The following KIAA1217 variants were observed in gnomAD, a reference collection of about 807,000 sequenced individuals.
KIAA1217 encodes the protein KIAA1217.
A neutral mutation model predicts 163.9 loss-of-function variants in KIAA1217; 88 were observed. The observed-to-expected ratio is 0.54, with a 90% CI of 0.45 to 0.64. The LOEUF (loss-of-function observed/expected upper bound fraction) is 0.64, where lower values mean the gene tolerates loss of function less well. Among genes scored for constraint, KIAA1217 ranks in the 30% least tolerant of loss-of-function variants. KIAA1217 has a pLI of 0.00. For synonymous variants in KIAA1217, 903 were observed against 923.1 expected (o/e 0.98, Z 0.39); for missense variants, 2,372 against 2,475.0 (o/e 0.96, Z 0.88).
intron 1 of KIAA1217, among the ~76,000 whole-genome samples, chr10:23,976,561 A>G (rs1287476939): frequency 1.3e-5 from 2 of 152,224 alleles, no homozygotes; most frequent in African/African-American, 4.8e-5. Context: ...TCAATACTCA[A>G]CCAGTACAGA....
intron 2 of KIAA1217, among the ~76,000 whole-genome samples, chr10:24,222,960 T>C (rs1029974311): frequency 2.0e-5 from 3 of 152,222 alleles, no homozygotes; most frequent in Non-Finnish European, 4.4e-5. Context: ...TTAGACCATA[T>C]AGGATAATTT....
At chr10:24,255,488 T>A in intron 2 of KIAA1217, 1 of 455,508 alleles carries the variant, frequency 2.2e-6, no homozygotes, top group Non-Finnish European at 4.4e-6. Context: ...CCATGCCACA[T>A]CTGGACATGA....
chr10:24,181,596 C>A (rs897483607), intron 2 of KIAA1217, among the ~76,000 whole-genome samples: 2 of 152,130 alleles, frequency 1.3e-5, no homozygotes, highest in Admixed American at 6.5e-5. Flanking sequence ...TCAATTTTGT[C>A]ATTCAGATTA....
At chr10:24,065,732 G>C (rs1034009833) in intron 2 of KIAA1217, among the ~76,000 whole-genome samples, 2 of 152,160 alleles carry the variant, frequency 1.3e-5, no homozygotes, top group African/African-American at 4.8e-5. Flanking sequence ...GTCTCATGTT[G>C]ACAGTAGGGT....
intron 1 of KIAA1217, among the ~76,000 whole-genome samples, chr10:23,860,950 G>A (rs981930274): frequency 6.7e-6 from 1 of 148,690 alleles, no homozygotes; most frequent in Non-Finnish European, 1.5e-5. Context: ...ATCTTGCTCT[G>A]TTACCCAGGC....
chr10:24,467,622 A>G (rs2063082182), intron 5 of KIAA1217, among the ~76,000 whole-genome samples: 1 of 152,226 alleles, frequency 6.6e-6, no homozygotes, highest in African/African-American at 2.4e-5. Context: ...TTTAAAGCTT[A>G]CATTATGACA....
At chr10:24,434,448 C>T (rs536156723) in intron 4 of KIAA1217, among the ~76,000 whole-genome samples, 3 of 152,240 alleles carry the variant, frequency 2.0e-5, no homozygotes, top group Admixed American at 6.5e-5. Context: ...AATGATCCTC[C>T]CACCTCTGCC....
chr10:24,491,455 A>G (rs1007681955), intron 6 of KIAA1217, among the ~76,000 whole-genome samples: 12 of 151,606 alleles, frequency 7.9e-5, no homozygotes, highest in African/African-American at 2.4e-4. Flanking sequence ...ACACCCAGCT[A>G]ATTTTTGTAT....
chr10:24,413,692 CT>C (rs955170181), intron 3 of KIAA1217, among the ~76,000 whole-genome samples: 6 of 152,198 alleles, frequency 3.9e-5, no homozygotes, highest in Non-Finnish European at 8.8e-5. Context: ...ATCCAGCATA[CT>C]TTTGTCTCAA....
chr10:24,325,196 A>G (rs888162729), intron 2 of KIAA1217, among the ~76,000 whole-genome samples: 1 of 152,152 alleles, frequency 6.6e-6, no homozygotes, highest in African/African-American at 2.4e-5. Flanking sequence ...AAAGTGTGGG[A>G]CAGTGATTTG....
chr10:24,030,465 CTG>C (rs1023246272), intron 2 of KIAA1217, among the ~76,000 whole-genome samples: 45 of 152,268 alleles, frequency 3.0e-4, no homozygotes, highest in African/African-American at 1.0e-3. Flanking sequence ...TCCACCATGA[CTG>C]TAAGTTTCCT....
chr10:24,330,298 C>G (rs2045499887), intron 2 of KIAA1217, among the ~76,000 whole-genome samples: 2 of 127,312 alleles, frequency 1.6e-5, no homozygotes, highest in Admixed American at 8.0e-5. Flanking sequence ...GAAACTCCAT[C>G]TCAAAAAAAA....
intron 2 of KIAA1217, among the ~76,000 whole-genome samples, chr10:24,190,407 G>A (rs996683046): frequency 1.3e-5 from 2 of 152,072 alleles, no homozygotes; most frequent in African/African-American, 2.4e-5. Context: ...TCCTTACTTC[G>A]AAAGCCTGAA....
At chr10:23,819,723 G>A (rs1837530898) in intron 1 of KIAA1217, among the ~76,000 whole-genome samples, 1 of 152,090 alleles carries the variant, frequency 6.6e-6, no homozygotes, top group Admixed American at 6.6e-5. Context: ...AATTTGTCTT[G>A]GTGATTTGAA....
At position 24,526,877 on chromosome 10, in the gene KIAA1217, A is replaced by G. The variant is rs572786476; in HGVS notation, c.2899-1059A>G. 2.6e-5 allele frequency among the ~76,000 whole-genome samples: 4 copies of G among 152,288 alleles called. No individual in the cohort carries two copies. The East Asian group carries it at 7.7e-4, about 29-fold the overall frequency. On this transcript the variant is annotated intron_variant, in intron 13 of 20. Transcript: ENST00000376454. ...GGTTAGAATGGTGAAGGTGGTGGCTATTATTTATATGTAATGAAACTTGGG... is the reference window on the plus strand; with the variant it reads ...GGTTAGAATGGTGAAGGTGGTGGCTGTTATTTATATGTAATGAAACTTGGG...
At chr10:24,053,173 A>C (rs979884301) in intron 2 of KIAA1217, among the ~76,000 whole-genome samples, 1 of 152,150 alleles carries the variant, frequency 6.6e-6, no homozygotes, top group Non-Finnish European at 1.5e-5. Flanking sequence ...ATACAATTCC[A>C]TTACTAAAAT....
chr10:23,880,939 T>A (rs1372275634), intron 1 of KIAA1217, among the ~76,000 whole-genome samples: 1 of 151,822 alleles, frequency 6.6e-6, no homozygotes, highest in East Asian at 2.0e-4. Context: ...TTAACCAGGG[T>A]GGAGTTCTCA....
At chr10:24,342,010 A>C (rs1564505288) in intron 2 of KIAA1217, among the ~76,000 whole-genome samples, 1 of 152,264 alleles carries the variant, frequency 6.6e-6, no homozygotes, top group Non-Finnish European at 1.5e-5. Context: ...GAAGTCTACC[A>C]GACTGTCCTT....
intron 1 of KIAA1217, among the ~76,000 whole-genome samples, chr10:23,900,244 G>A (rs911324300): frequency 1.3e-5 from 2 of 151,944 alleles, no homozygotes; most frequent in Non-Finnish European, 2.9e-5. Flanking sequence ...GACCTAAGGT[G>A]ACCCGCCCAC....
Sources: gnomAD v4.1 joint callset for allele counts (sites outside exome capture counted in the v4.1 genomes callset) on GRCh38, gnomAD v4.1.1 for gene constraint, MANE v1.5 for transcripts, NCBI Gene and HGNC (gene_info 2026-07-23, HGNC 2026-07-21) for gene names.